ACTR3: variants seen among roughly 807,000 people sequenced by gnomAD.
The protein encoded by ACTR3 is actin-related protein 3.
ACTR3 carries 12 observed loss-of-function variants against 56.8 expected under a neutral mutation model. The ratio of observed to expected loss-of-function variants is 0.21; its 90% CI spans 0.14 to 0.34. ACTR3 has a LOEUF of 0.34. Among genes scored for constraint, ACTR3 ranks in the 10% least tolerant of loss-of-function variants. The pLI, the probability that ACTR3 is intolerant of heterozygous loss-of-function variation, is 1.00. For synonymous variants in ACTR3, 162 were observed against 167.4 expected (o/e 0.97, Z 0.25); for missense variants, 282 against 512.5 (o/e 0.55, Z 4.34).
At chr2:113,890,009 G>A (rs112209177), upstream of ACTR3, 58 of 552,240 alleles carry the variant, frequency 1.1e-4, 1 homozygote, top group East Asian at 1.8e-3. Flanking sequence ...GTTGTAGGGT[G>A]GGGGCAGGAG....
At position 113,927,357 on chromosome 2, in the gene ACTR3, C is replaced by T; in HGVS notation, c.238C>T (p.His80Tyr). 1 of 1,570,614 alleles carries T rather than the reference C, an allele frequency of 6.4e-7. No homozygotes were observed. ...TTTGTTTTAATAGTGGCCAATCCGCCATGGTATAGTTGAAGATTGGGACTT... is the reference window on the plus strand; with the variant it reads ...TTTGTTTTAATAGTGGCCAATCCGCTATGGTATAGTTGAAGATTGGGACTT... ...PTYATKWPIR[H>Y]GIVEDWDLME... Residue 80 changes from histidine (H) to tyrosine (Y), a missense_variant, in exon 4 of 12, where the codon CAT (histidine) becomes TAT (tyrosine). Physicochemically the swap from His to Tyr is moderately conservative, Grantham distance 83. Transcript: ENST00000263238.
At chr2:113,956,050 TTTATTA>T (rs1430381895) in intron 11 of ACTR3, among the ~76,000 whole-genome samples, 3 of 151,868 alleles carry the variant, frequency 2.0e-5, no homozygotes. Context: ...GCTCCTGGCC[TTTATTA>T]TTATTATTAT....
intron 11 of ACTR3, among the ~76,000 whole-genome samples, chr2:113,956,487 T>C (rs1158161000): frequency 6.6e-6 from 1 of 151,994 alleles, no homozygotes; most frequent in Non-Finnish European, 1.5e-5. Context: ...AATTTAGTCA[T>C]CAGAAGGTCC....
intron 4 of ACTR3, among the ~76,000 whole-genome samples, chr2:113,928,629 T>A (rs1474639616): frequency 6.6e-6 from 1 of 152,196 alleles, no homozygotes; most frequent in East Asian, 1.9e-4. Flanking sequence ...TCACAGCTAC[T>A]CAGCTGTGCT....
rs1380172745 is a variant in ACTR3 at position 113,962,341 on chromosome 2, C to T, written c.*4886C>T. On this transcript the variant is annotated 3_prime_UTR_variant, in exon 12 of 12. Transcript: ENST00000263238. ...TGTTGTACAAGGTAATTGACATGTC[C>T]TGAAATGTAACATTCAACATTAACA... 6.6e-6 allele frequency: 1 copy of T among 151,938 alleles called. No individual in the cohort carries two copies. The highest frequency in any genetic ancestry group is 1.9e-4 in the East Asian group (1 of 5,196). 9.4% of individuals were successfully genotyped at this position (151,938 alleles called of 1,614,324 possible). A position where few individuals can be genotyped will look rare whatever the true frequency, so the allele number is the denominator to read the frequency against.
chr2:113,890,263 A>T lies in ACTR3; in HGVS notation c.-17A>T. ...CGGAGCAGACGGCGGCAGCAGCAGC[A>T]GCAGGCGAGGAGGAAGATGGCGGGA... On this transcript the variant is annotated 5_prime_UTR_variant, in exon 1 of 12. Coordinates refer to ENST00000263238, the MANE Select transcript of ACTR3 (RefSeq NM_005721.5). 6.6e-7 allele frequency: 1 copy of T among 1,522,176 alleles called. No homozygotes were observed. The highest frequency in any genetic ancestry group is 8.9e-7 in the Non-Finnish European group (1 of 1,128,254). The allele number at this position is 1,522,176 out of a possible 1,614,324, so 94.3% of individuals were successfully genotyped here.
At chr2:113,938,737 C>G (rs980381002) in intron 6 of ACTR3, among the ~76,000 whole-genome samples, 37 of 152,230 alleles carry the variant, frequency 2.4e-4, no homozygotes, top group African/African-American at 8.4e-4. Flanking sequence ...GATCAGTATT[C>G]AGTTAAGGAG....
At chr2:113,936,050 T>C (rs1276974466) in intron 6 of ACTR3, among the ~76,000 whole-genome samples, 1 of 152,142 alleles carries the variant, frequency 6.6e-6, no homozygotes, top group Non-Finnish European at 1.5e-5. Flanking sequence ...CCCAGCACTT[T>C]GGGAGGCCAA....
chr2:113,955,496 T>C, intron 10 of ACTR3, 127 bp from the exon 11 acceptor site: 1 of 655,308 alleles, frequency 1.5e-6, no homozygotes, highest in Non-Finnish European at 2.5e-6. Context: ...CAATTGTTTC[T>C]GGTTTGTAAG....
upstream of ACTR3, chr2:113,889,973 G>T (rs987914184): frequency 4.9e-5 from 26 of 529,778 alleles, no homozygotes; most frequent in African/African-American, 5.0e-4. Flanking sequence ...TTGGCTTCCC[G>T]GGGAAAGGCG....
intron 8 of ACTR3, among the ~76,000 whole-genome samples, chr2:113,948,096 G>A (rs1347957867): frequency 6.6e-6 from 1 of 152,078 alleles, no homozygotes; most frequent in Non-Finnish European, 1.5e-5. Context: ...TTCTTTTGCT[G>A]ATTACCTCCT....
rs1198951470 is a variant in ACTR3 at position 113,962,513 on chromosome 2, T to C, written c.*5058T>C. ...AATAAGATTCAAGGTTGCAGTAAAT[T>C]GTTAATCTTATTTGGAATTATATTA... On this transcript the variant is annotated 3_prime_UTR_variant, in exon 12 of 12. Transcript: ENST00000263238. 2 of 152,034 alleles carry C rather than the reference T, an allele frequency of 1.3e-5. No individual in the cohort carries two copies. The highest frequency in any genetic ancestry group is 2.9e-5 in the Non-Finnish European group (2 of 67,934). 9.4% of individuals were successfully genotyped at this position (152,034 alleles called of 1,614,324 possible). A position where few individuals can be genotyped will look rare whatever the true frequency, so the allele number is the denominator to read the frequency against.
chr2:113,929,658 T>C (rs183384555), intron 4 of ACTR3, among the ~76,000 whole-genome samples: 12 of 152,130 alleles, frequency 7.9e-5, no homozygotes, highest in African/African-American at 2.4e-4. Flanking sequence ...GCTTGCTCTA[T>C]TCAAGATTTG....
At chr2:113,890,391 A>C (rs996998858) in intron 1 of ACTR3, 68 bp downstream of exon 1, 16 of 1,406,816 alleles carry the variant, frequency 1.1e-5, no homozygotes, top group Non-Finnish European at 1.3e-5. Flanking sequence ...GGGAGGGAGG[A>C]GGCCGGGAAA....
intron 6 of ACTR3, among the ~76,000 whole-genome samples, chr2:113,939,343 A>G (rs1490245182): frequency 6.6e-6 from 1 of 152,160 alleles, no homozygotes; most frequent in Admixed American, 6.5e-5. Context: ...TTTCTTATAA[A>G]TTGTCCTGTT....
chr2:113,935,349 G>C (rs1679807821), intron 6 of ACTR3, among the ~76,000 whole-genome samples: 1 of 152,184 alleles, frequency 6.6e-6, no homozygotes, highest in African/African-American at 2.4e-5. Context: ...ACTATTAACA[G>C]TCACCACCCA....
intron 3 of ACTR3, among the ~76,000 whole-genome samples, chr2:113,925,327 C>T (rs941247755): frequency 2.6e-5 from 4 of 151,480 alleles, no homozygotes; most frequent in African/African-American, 9.7e-5. Context: ...TCCCGAGTAG[C>T]TGGGATTATA....
rs35820702 is a variant in ACTR3, at chr2:113,939,939, A to G, written c.541-20A>G. 0.073 allele frequency: 113,817 copies of G among 1,552,296 alleles called. 4,727 individuals are homozygous for G. The highest frequency in any genetic ancestry group is 0.083 in the South Asian group (6,789 of 82,018). On this transcript the variant is annotated intron_variant, in intron 6 of 11. Transcript: ENST00000263238. ...TCAAAACATTGAAAGTAAATTTGGT[A>G]TCTTTTTTCCCCTCTCTAGGCTGAA...
In ACTR3 at chr2:113,891,442, A is replaced by T. The variant is rs528464665; in HGVS notation, c.44+1119A>T. Among the ~76,000 whole-genome samples the T allele has an allele frequency of 2.0e-5, 3 of 152,134 alleles. No individual in the cohort carries two copies. The South Asian group carries it at 6.2e-4, about 32-fold the overall frequency. On this transcript the variant is annotated intron_variant, in intron 1 of 11. Transcript: ENST00000263238. ...TAGACGTTTTAGAGAGTTGTACCAC[A>T]CTCATAACTGCATAGAGAATAGACT...
Sources: gnomAD v4.1 joint callset for allele counts (sites outside exome capture counted in the v4.1 genomes callset) on GRCh38, gnomAD v4.1.1 for gene constraint, MANE v1.5 for transcripts, NCBI Gene and HGNC (gene_info 2026-07-23, HGNC 2026-07-21) for gene names.